The following NCBP3 variants were observed in gnomAD, a reference collection of about 807,000 sequenced individuals.
NCBP3 encodes nuclear cap binding subunit 3.
Under a neutral mutation model 75.7 loss-of-function variants are expected in NCBP3, and 20 were observed. That is an observed-to-expected ratio of 0.26 (90% CI 0.19 to 0.38). The LOEUF is 0.38. Among genes scored for constraint, NCBP3 ranks in the 10% least tolerant of loss-of-function variants. NCBP3 has a pLI of 1.00. For synonymous variants in NCBP3, 293 were observed against 290.5 expected (o/e 1.01, Z -0.09); for missense variants, 678 against 796.9 (o/e 0.85, Z 1.80).
In NCBP3 at chr17:3,840,004, T is replaced by C. The variant is rs181932620; in HGVS notation, c.355+96A>G. The stretch of plus-strand genomic sequence containing the variant: ...CTCACAAGAGTGCTTGGATAAGGAG[T>C]GGACACGCAAGGCAAGGCCAGAAGC... On this transcript the variant is annotated intron_variant, in intron 3 of 12. Coordinates refer to ENST00000389005, the MANE Select transcript of NCBP3 (RefSeq NM_001114118.3). 7 of 874,036 alleles carry C rather than the reference T, an allele frequency of 8.0e-6. No homozygotes were observed. In the African/African-American group the frequency reaches 1.2e-4, roughly 15 times the overall value. 54.1% of individuals were successfully genotyped at this position (874,036 alleles called of 1,614,324 possible).
At chr17:3,841,434 C>G (rs865792857) in intron 2 of NCBP3, among the ~76,000 whole-genome samples, 15 of 152,156 alleles carry the variant, frequency 9.9e-5, no homozygotes, top group Non-Finnish European at 1.2e-4. Context: ...AATTTACCTT[C>G]CTTTAGAAAC....
chr17:3,836,894 C>T (rs76254612), intron 3 of NCBP3, among the ~76,000 whole-genome samples: 1,779 of 151,136 alleles, frequency 0.012, 40 homozygotes, highest in African/African-American at 0.04. Flanking sequence ...CTCACACCTA[C>T]AACGCCAGCG....
At chr17:3,844,679 C>A (rs1381275308) in intron 1 of NCBP3, among the ~76,000 whole-genome samples, 1 of 152,162 alleles carries the variant, frequency 6.6e-6, no homozygotes, top group Non-Finnish European at 1.5e-5. Context: ...GGAGAAACCC[C>A]GTCTCTACTA....
At chr17:3,829,660 G>C (rs2053844618) in intron 3 of NCBP3, among the ~76,000 whole-genome samples, 1 of 152,170 alleles carries the variant, frequency 6.6e-6, no homozygotes, top group Non-Finnish European at 1.5e-5. Context: ...GTAGCAATCA[G>C]AGCACTATCA....
At chr17:3,825,998 G>A in intron 5 of NCBP3, 89 bp downstream of exon 5, 4 of 1,474,294 alleles carry the variant, frequency 2.7e-6, no homozygotes, top group Non-Finnish European at 3.7e-6. Context: ...AACACTTGGT[G>A]ATGAGATGCT....
In NCBP3 at chr17:3,812,417, G is replaced by A. The variant is rs1016154589; in HGVS notation, c.*627C>T. 9 of 674,138 alleles carry A rather than the reference G, an allele frequency of 1.3e-5. No homozygotes were observed. Among genetic ancestry groups the A allele is most frequent in the Non-Finnish European group, 1.5e-5 (8 of 545,082 alleles). The allele number at this position is 674,138 out of a possible 1,614,324, so 41.8% of individuals were successfully genotyped here. A position where few individuals can be genotyped will look rare whatever the true frequency, so the allele number is the denominator to read the frequency against. On this transcript the variant is annotated 3_prime_UTR_variant, in exon 13 of 13. Transcript: ENST00000389005. ...ACTTGATCTTCACATCAAGCTGACA[G>A]CACGTAAGAGGCCCATGCCATGAGC...
intron 3 of NCBP3, among the ~76,000 whole-genome samples, chr17:3,835,461 T>C (rs1179668151): frequency 1.3e-5 from 2 of 152,256 alleles, no homozygotes; most frequent in Non-Finnish European, 2.9e-5. Flanking sequence ...GACCAGAAAG[T>C]TGCGACACAT....
rs1244378689 is a variant in NCBP3, at chr17:3,832,444, C to T, written c.356-3076G>A. 1.7e-5 allele frequency among the ~76,000 whole-genome samples: 2 copies of T among 117,684 alleles called. 1 individual carries two copies. Among genetic ancestry groups the T allele is most frequent in the Non-Finnish European group, 4.1e-5 (2 of 49,072 alleles). The allele number at this position is 117,684 out of a possible 152,430, so 77.2% of individuals were successfully genotyped here. ...GTCAGATCGAGACCATCCTGGCCAA[C>T]ACGGTGAAACCCCGTCTCTACTAAA... On this transcript the variant is annotated intron_variant, in intron 3 of 12. Transcript: ENST00000389005.
At chr17:3,831,429 T>C (rs755238875) in intron 3 of NCBP3, among the ~76,000 whole-genome samples, 162 of 150,872 alleles carry the variant, frequency 1.1e-3, no homozygotes, top group Middle Eastern at 3.4e-3. Flanking sequence ...GAAAATTAGC[T>C]GGGTGTGGTG....
chr17:3,819,553 C>A (rs2053621839), intron 9 of NCBP3, among the ~76,000 whole-genome samples: 1 of 144,926 alleles, frequency 6.9e-6, no homozygotes, highest in African/African-American at 2.7e-5. Flanking sequence ...GAGCAAGACT[C>A]TGTCTCAAAA....
chr17:3,843,640 G>A (rs569333434), intron 1 of NCBP3, among the ~76,000 whole-genome samples: 1 of 152,354 alleles, frequency 6.6e-6, no homozygotes, highest in South Asian at 2.1e-4. Context: ...TCTACCTCCT[G>A]GGTTCAAGCG....
rs2143649036 is a variant in NCBP3, at chr17:3,818,466, C to T, written c.1107G>A (p.Val369=). The T allele has an allele frequency of 9.9e-6, 16 of 1,614,054 alleles. No homozygotes were observed. The highest frequency in any genetic ancestry group is 3.3e-5 in the South Asian group (3 of 91,082). Residue 369 remains valine, a synonymous_variant, in exon 10 of 13, where the codon GTG becomes GTA. Transcript: ENST00000389005. This position sits in a 1 kb window ranked among gnomAD's most constrained non-coding sequence, Gnocchi z 4.7. ...EDQDMDADDR[V]VVEYHEELPA... is the part of the protein sequence containing the mutation. ...GGAGCTCCTCGTGGTACTCTACCACCACTCTGTCATCTGCATCCATGTCCT... is the reference window on the plus strand; with the variant it reads ...GGAGCTCCTCGTGGTACTCTACCACTACTCTGTCATCTGCATCCATGTCCT...
intron 6 of NCBP3, 36 bp downstream of exon 6, chr17:3,825,731 C>A: frequency 6.8e-7 from 1 of 1,466,476 alleles, no homozygotes; most frequent in Admixed American, 2.0e-5. Context: ...CAATTTTTTA[C>A]AATAACTTTA....
Position 3,819,541 on chromosome 17 carries a change from C to G in NCBP3, c.1001-969G>C, listed in dbSNP as rs559254208. Among the ~76,000 whole-genome samples the G allele has an allele frequency of 4.8e-5, 7 of 145,968 alleles. No homozygotes were observed. The South Asian group carries it at 1.5e-3, about 32-fold the overall frequency. ...CGCCACTGCACTCCAGCCTGGGCAA[C>G]AGAGCAAGACTCTGTCTCAAAAAAA... is the stretch of plus-strand genomic sequence containing the variant. On this transcript the variant is annotated intron_variant, in intron 9 of 12. Transcript: ENST00000389005.
intron 3 of NCBP3, among the ~76,000 whole-genome samples, chr17:3,834,636 G>A (rs58534230): frequency 0.24 from 36,339 of 152,086 alleles, 4,582 homozygotes; most frequent in African/African-American, 0.28. Context: ...TTAGCCAGGC[G>A]TTGTGGCTCA....
intron 3 of NCBP3, among the ~76,000 whole-genome samples, chr17:3,839,370 CAG>C (rs1270807161): frequency 1.3e-5 from 2 of 151,828 alleles, no homozygotes; most frequent in African/African-American, 4.8e-5. Context: ...TTTTTTAAGA[CAG>C]AGTCTCGCTC....
intron 3 of NCBP3, among the ~76,000 whole-genome samples, chr17:3,834,968 G>A (rs1013798532): frequency 6.6e-6 from 1 of 152,148 alleles, no homozygotes; most frequent in East Asian, 1.9e-4. Context: ...CCTCATGACA[G>A]TAAAAGGAAC....
At chr17:3,840,317 A>C in intron 2 of NCBP3, 112 bp from the exon 3 acceptor site, 1 of 790,694 alleles carries the variant, frequency 1.3e-6, no homozygotes, top group South Asian at 1.6e-5. Flanking sequence ...AGAAATAAGC[A>C]ACACTACACC....
chr17:3,824,049 T>C (rs1217685808), intron 7 of NCBP3: 1 of 152,136 alleles, frequency 6.6e-6, no homozygotes, highest in African/African-American at 2.4e-5. Context: ...AAGGAAACAT[T>C]ACATACTTAC....
Sources: gnomAD v4.1 joint callset for allele counts (sites outside exome capture counted in the v4.1 genomes callset) on GRCh38, gnomAD v4.1.1 for gene constraint, Gnocchi (gnomAD v3.1) non-coding constraint, MANE v1.5 for transcripts, NCBI Gene and HGNC (gene_info 2026-07-23, HGNC 2026-07-21) for gene names.